SGSM1: variants seen among roughly 807,000 people sequenced by gnomAD.
SGSM1 encodes the protein small G protein signaling modulator 1.
A neutral mutation model predicts 133.8 loss-of-function variants in SGSM1; 73 were observed. The observed-to-expected ratio is 0.55, with a 90% CI of 0.45 to 0.66. The LOEUF (loss-of-function observed/expected upper bound fraction) is 0.66, where lower values mean the gene tolerates loss of function less well. Among genes scored for constraint, SGSM1 ranks in the 30% least tolerant of loss-of-function variants. SGSM1 has a pLI of 0.00. For missense variants in SGSM1, 1,213 were observed against 1,448.1 expected, an observed-to-expected ratio of 0.84 and a Z score of 2.64; for synonymous variants, 563 against 573.0, an observed-to-expected ratio of 0.98 and a Z score of 0.25.
At chr22:24,847,405 C>T (rs181506989) in intron 3 of SGSM1, among the ~76,000 whole-genome samples, 16 of 152,212 alleles carry the variant, frequency 1.1e-4, no homozygotes, top group East Asian at 5.8e-4. Flanking sequence ...AACAATTATC[C>T]GACACCCAGC....
At chr22:24,864,280 C>T (rs1931325307) in intron 9 of SGSM1, among the ~76,000 whole-genome samples, 1 of 152,184 alleles carries the variant, frequency 6.6e-6, no homozygotes, top group African/African-American at 2.4e-5. Context: ...TTGTAACATC[C>T]CCTTACCTTG....
At chr22:24,920,664 G>A (rs1442695155) in intron 24 of SGSM1, among the ~76,000 whole-genome samples, 1 of 147,098 alleles carries the variant, frequency 6.8e-6, no homozygotes, top group African/African-American at 2.4e-5. Flanking sequence ...TTTAATGAAA[G>A]AAAGTTCTGG....
chr22:24,906,837 G>T (rs1484709037), intron 21 of SGSM1, among the ~76,000 whole-genome samples: 1 of 152,178 alleles, frequency 6.6e-6, no homozygotes, highest in African/African-American at 2.4e-5. Flanking sequence ...TCTAATTCCA[G>T]TTACTTGGGA....
chr22:24,820,709 A>G (rs1928418128), intron 2 of SGSM1, among the ~76,000 whole-genome samples: 1 of 152,002 alleles, frequency 6.6e-6, no homozygotes, highest in African/African-American at 2.4e-5. Flanking sequence ...ATGTGAGAGG[A>G]AGTCCAGGAC....
At chr22:24,845,682 G>A (rs1404802032) in intron 3 of SGSM1, among the ~76,000 whole-genome samples, 3 of 152,196 alleles carry the variant, frequency 2.0e-5, no homozygotes, top group Non-Finnish European at 2.9e-5. Flanking sequence ...AGCTGGGAGA[G>A]CTGGCCAGCC....
chr22:24,806,419 G>T (rs1231449373), intron 1 of SGSM1, 22 bp from the exon 2 acceptor site: 13 of 1,522,730 alleles, frequency 8.5e-6, no homozygotes, highest in African/African-American at 1.4e-5. Context: ...CTGACCCGCG[G>T]CTCTCGTTTC....
At chr22:24,868,325 G>A (rs369493470) in intron 10 of SGSM1, 51 bp from the exon 11 acceptor site, 11 of 1,567,678 alleles carry the variant, frequency 7.0e-6, no homozygotes, top group East Asian at 6.8e-5. Context: ...GGCTGTCACC[G>A]TGCCTCATAG....
intron 3 of SGSM1, among the ~76,000 whole-genome samples, chr22:24,845,716 G>T (rs982231405): frequency 3.3e-5 from 5 of 152,144 alleles, no homozygotes; most frequent in Non-Finnish European, 7.3e-5. Flanking sequence ...CCAAATGGCT[G>T]GGGGCACCAC....
At chr22:24,837,713 T>G (rs1929543163) in intron 2 of SGSM1, among the ~76,000 whole-genome samples, 1 of 151,996 alleles carries the variant, frequency 6.6e-6, no homozygotes, top group Non-Finnish European at 1.5e-5. Flanking sequence ...CAAGGAGCCC[T>G]CTGGTGGCCC....
rs1324668418 is a variant in SGSM1, at chr22:24,842,896, C to G, written c.64-2001C>G. 3.9e-5 allele frequency among the ~76,000 whole-genome samples: 6 copies of G among 152,162 alleles called. No homozygotes were observed. In the East Asian group the frequency reaches 1.2e-3, roughly 29 times the overall value. On this transcript the variant is annotated intron_variant, in intron 2 of 24. Coordinates refer to ENST00000400358, the MANE Select transcript of SGSM1 (RefSeq NM_001098497.3). The stretch of plus-strand genomic sequence containing the variant: ...TATCTTGTTCAGCCTTCCCAAGTGC[C>G]TTGAAGCTGGTGCTATTTCTATAAA...
chr22:24,858,350 C>T (rs1344162374), intron 8 of SGSM1, among the ~76,000 whole-genome samples: 1 of 152,142 alleles, frequency 6.6e-6, no homozygotes, highest in Non-Finnish European at 1.5e-5. Flanking sequence ...CACGGTGGCT[C>T]ATGCCTGTAA....
At position 24,884,117 on chromosome 22, in the gene SGSM1, G is replaced by T; in HGVS notation, c.1560G>T (p.Met520Ile). The change falls in exon 15 of 25, where the codon ATG becomes ATT. Residue 520 changes from methionine (M) to isoleucine (I), a missense_variant. Physicochemically the swap from Met to Ile is conservative, Grantham distance 10. Coordinates refer to ENST00000400358, the MANE Select transcript of SGSM1 (RefSeq NM_001098497.3). ...ACCTATCAGCCCTGGTCAATCACAT[G>T]ATCGTGTCTCCAGACTTGCCCTGCG... is the stretch of plus-strand genomic sequence containing the variant. ...RTHLSALVNH[M>I]IVSPDLPCDA... 6.2e-7 allele frequency: 1 copy of T among 1,613,830 alleles called. No homozygotes were observed.
intron 9 of SGSM1, among the ~76,000 whole-genome samples, chr22:24,863,838 T>A (rs1443046155): frequency 6.6e-6 from 1 of 150,712 alleles, no homozygotes; most frequent in African/African-American, 2.4e-5. Context: ...GCCTCCCAGG[T>A]TCAAGCGATT....
Position 24,855,419 on chromosome 22 carries a change from C to A in SGSM1, c.658C>A (p.Pro220Thr). 6.2e-7 allele frequency: 1 copy of A among 1,613,520 alleles called. No individual in the cohort carries two copies. Among genetic ancestry groups the A allele is most frequent in the Non-Finnish European group, 8.5e-7 (1 of 1,179,814 alleles). Residue 220 changes from proline to threonine, a missense_variant, in exon 7 of 25, where the codon CCT becomes ACT. Pro to Thr is a conservative substitution (Grantham distance 38). Transcript: ENST00000400358. ...GCGGCAGGACTCGCCCACCAAGCGT[C>A]CTGCCCTCTGTGTGAGTGGGGTGGA... ...HVRQDSPTKR[P>T]ALCIQKRHSS...
chr22:24,898,260 G>C lies in SGSM1; in HGVS notation c.2311G>C (p.Ala771Pro), dbSNP rs773963986. Reference sequence around the variant, plus strand: ...CGAGGCCACCACATCTCAGGATGAGGCTCCCCGGGAGGAGCTGGCCGTGCA... The same window carrying C: ...CGAGGCCACCACATCTCAGGATGAGCCTCCCCGGGAGGAGCTGGCCGTGCA... ...SSEATTSQDE[A>P]PREELAVQDS... The change falls in exon 19 of 25, where the codon GCT (alanine) becomes CCT (proline). Residue 771 changes from alanine (A) to proline (P), a missense_variant. Physicochemically the swap from Ala to Pro is conservative, Grantham distance 27 (BLOSUM62 -1). Coordinates refer to ENST00000400358, the MANE Select transcript of SGSM1 (RefSeq NM_001098497.3). 1.2e-6 allele frequency: 2 copies of C among 1,613,688 alleles called. No homozygotes were observed. Among genetic ancestry groups the C allele is most frequent in the African/African-American group, 1.3e-5 (1 of 74,918 alleles).
intron 20 of SGSM1, among the ~76,000 whole-genome samples, chr22:24,904,001 A>G (rs1933268583): frequency 1.1e-5 from 1 of 90,696 alleles, no homozygotes; most frequent in African/African-American, 3.6e-5. Flanking sequence ...AAAAAAAGGA[A>G]AAAGAAAAAG....
At chr22:24,846,138 A>G (rs1470305316) in intron 3 of SGSM1, among the ~76,000 whole-genome samples, 1 of 149,596 alleles carries the variant, frequency 6.7e-6, no homozygotes, top group Non-Finnish European at 1.5e-5. Context: ...TCCTGGGCTC[A>G]AGCGTACCTC....
intron 2 of SGSM1, among the ~76,000 whole-genome samples, chr22:24,829,729 G>T (rs1929000876): frequency 6.6e-6 from 1 of 152,134 alleles, no homozygotes; most frequent in Non-Finnish European, 1.5e-5. Flanking sequence ...TCTATAAAAT[G>T]GAATGATTTG....
In SGSM1 at chr22:24,924,224, C is replaced by G; in HGVS notation, c.3232C>G (p.Leu1078Val). The change falls in exon 25 of 25, where the codon CTG becomes GTG. Residue 1078 changes from leucine to valine, a missense_variant. By Grantham distance (32) the Leu-to-Val change is conservative. Transcript: ENST00000400358. ...ERHNTKQVLK[L>V]ARDLVYKVQT... ...ACACAACACCAAGCAAGTCCTGAAG[C>G]TGGCGCGGGACCTCGTGTACAAGGT... 6.2e-7 allele frequency: 1 copy of G among 1,613,984 alleles called. No individual in the cohort carries two copies. The highest frequency in any genetic ancestry group is 8.5e-7 in the Non-Finnish European group (1 of 1,179,898).
Sources: allele counts gnomAD v4.1 joint callset (sites outside exome capture counted in the v4.1 genomes callset), GRCh38; gene constraint gnomAD v4.1.1; transcripts MANE v1.5; gene names NCBI Gene and HGNC (gene_info 2026-07-23, HGNC 2026-07-21).